ANTXR1: variants seen among roughly 807,000 people sequenced by gnomAD.
ANTXR1 encodes the protein anthrax toxin receptor 1.
Under a neutral mutation model 78.1 loss-of-function variants are expected in ANTXR1, and 19 were observed. The observed-to-expected ratio is 0.24, with a 90% CI of 0.17 to 0.36. The LOEUF is 0.36. ANTXR1 is among the 10% of genes least tolerant of loss of function. The pLI is 1.00. For missense variants in ANTXR1, 518 were observed against 718.6 expected (o/e 0.72, Z 3.19); for synonymous variants, 273 against 260.5 (o/e 1.05, Z -0.46).
chr2:69,186,935 G>A lies in ANTXR1; in HGVS notation c.1353+4275G>A, dbSNP rs1023604376. 2.1e-4 allele frequency among the ~76,000 whole-genome samples: 32 copies of A among 152,240 alleles called. No homozygotes were observed. In the East Asian group the frequency reaches 2.3e-3, roughly 11 times the overall value. ...GTCAGGGAGAGTGACCCATCCACTC[G>A]CTGCCTGCCTTGTACCTCTGCTATA... On this transcript the variant is annotated intron_variant, in intron 16 of 17. Transcript: ENST00000303714.
At chr2:69,101,695 C>A (rs4405800) in intron 9 of ANTXR1, among the ~76,000 whole-genome samples, 140,247 of 152,314 alleles carry the variant, frequency 0.92, 64,703 homozygotes, top group African/African-American at 0.98. Context: ...CCTCCAACAA[C>A]AAGTCTACAT....
At chr2:69,045,184 AG>A (rs1376833495) in intron 3 of ANTXR1, among the ~76,000 whole-genome samples, 2 of 152,158 alleles carry the variant, frequency 1.3e-5, no homozygotes, top group Non-Finnish European at 2.9e-5. Context: ...TTCAGATACA[AG>A]TGCACTGTGA....
chr2:69,185,473 G>A (rs1426525462), intron 16 of ANTXR1, among the ~76,000 whole-genome samples: 1 of 151,722 alleles, frequency 6.6e-6, no homozygotes, highest in Admixed American at 6.6e-5. Context: ...CCAGGAGGCA[G>A]AGGTTGCAGT....
At chr2:69,111,297 C>T (rs754606630) in intron 10 of ANTXR1, among the ~76,000 whole-genome samples, 1 of 152,170 alleles carries the variant, frequency 6.6e-6, no homozygotes, top group African/African-American at 2.4e-5. Context: ...CCACTTTCAA[C>T]TGGAGATCCA....
At chr2:69,124,381 G>C (rs748959623) in intron 11 of ANTXR1, among the ~76,000 whole-genome samples, 184 bp from the exon 12 acceptor site, 2 of 152,136 alleles carry the variant, frequency 1.3e-5, no homozygotes, top group Non-Finnish European at 2.9e-5. Context: ...AGGAGGATGG[G>C]CTATACAGAC....
chr2:69,112,252 C>A (rs113654458), intron 10 of ANTXR1, among the ~76,000 whole-genome samples: 7 of 152,238 alleles, frequency 4.6e-5, no homozygotes, highest in African/African-American at 1.7e-4. Flanking sequence ...ATCACCGCAG[C>A]CCAAAGAGGG....
At chr2:69,224,355 C>T (rs1446300313) in intron 17 of ANTXR1, among the ~76,000 whole-genome samples, 5 of 152,208 alleles carry the variant, frequency 3.3e-5, no homozygotes, top group Non-Finnish European at 7.3e-5. Flanking sequence ...ATTGTGGCAA[C>T]ACACTTTGAA....
intron 2 of ANTXR1, among the ~76,000 whole-genome samples, chr2:69,041,145 G>A (rs72895448): frequency 0.058 from 8,861 of 152,194 alleles, 291 homozygotes; most frequent in Admixed American, 0.11. Context: ...AGGACAGAAG[G>A]GAGAAAAAGT....
intron 16 of ANTXR1, among the ~76,000 whole-genome samples, chr2:69,185,925 G>A (rs968389179): frequency 6.6e-6 from 1 of 152,146 alleles, no homozygotes; most frequent in African/African-American, 2.4e-5. Context: ...AACAGCCAAT[G>A]CCAATGCTTA....
At chr2:69,114,605 A>G (rs1207365980) in intron 10 of ANTXR1, among the ~76,000 whole-genome samples, 1 of 152,130 alleles carries the variant, frequency 6.6e-6, no homozygotes, top group African/African-American at 2.4e-5. Flanking sequence ...TGAGTCCTGT[A>G]TTGGTATTTG....
chr2:69,088,020 A>G (rs975630224), intron 8 of ANTXR1, among the ~76,000 whole-genome samples: 26 of 152,174 alleles, frequency 1.7e-4, no homozygotes, highest in African/African-American at 6.3e-4. Flanking sequence ...GCATCCTTCC[A>G]GATGTTTTAA....
At chr2:69,164,708 T>C (rs1673781177) in intron 13 of ANTXR1, among the ~76,000 whole-genome samples, 1 of 152,228 alleles carries the variant, frequency 6.6e-6, no homozygotes, top group Non-Finnish European at 1.5e-5. Flanking sequence ...CAGCCTTGTA[T>C]GCAGATGACC....
intron 10 of ANTXR1, among the ~76,000 whole-genome samples, chr2:69,112,846 T>C (rs1021028816): frequency 6.6e-6 from 1 of 152,236 alleles, no homozygotes; most frequent in African/African-American, 2.4e-5. Flanking sequence ...TAGTGGATGT[T>C]CCCATCTTTC....
Position 69,013,295 on chromosome 2 carries a change from C to G in ANTXR1, c.-205C>G. The G allele has an allele frequency of 1.4e-6, 1 of 721,484 alleles. No individual in the cohort carries two copies. Among genetic ancestry groups the G allele is most frequent in the East Asian group, 2.7e-5 (1 of 36,978 alleles). The allele number at this position is 721,484 out of a possible 1,614,324, so 44.7% of individuals were successfully genotyped here. On this transcript the variant is annotated 5_prime_UTR_variant, in exon 1 of 18. Coordinates refer to ENST00000303714, the MANE Select transcript of ANTXR1 (RefSeq NM_032208.3). The surrounding 1 kb of genome is among the most constrained non-coding windows in gnomAD (Gnocchi z 5.0). ...GAGGACAGGATTGGGATCCTTGAAACCCGAAACCCAGAAACAGCATCGGAG... is the reference window on the plus strand; with the variant it reads ...GAGGACAGGATTGGGATCCTTGAAAGCCGAAACCCAGAAACAGCATCGGAG...
intron 12 of ANTXR1, among the ~76,000 whole-genome samples, chr2:69,140,476 G>A (rs1673040338): frequency 6.6e-6 from 1 of 152,160 alleles, no homozygotes; most frequent in Admixed American, 6.5e-5. Context: ...TCCTCAGTAG[G>A]GGATTAGGGG....
At chr2:69,117,490 ATGTG>A (rs1436439850) in intron 10 of ANTXR1, among the ~76,000 whole-genome samples, 2 of 152,234 alleles carry the variant, frequency 1.3e-5, no homozygotes, top group Non-Finnish European at 2.9e-5. Flanking sequence ...ATATGTGTAT[ATGTG>A]TGTGTATCTA....
chr2:69,123,892 G>A (rs953354777), intron 11 of ANTXR1, among the ~76,000 whole-genome samples: 9 of 152,160 alleles, frequency 5.9e-5, no homozygotes, highest in African/African-American at 2.2e-4. Flanking sequence ...GAAAAAAGTT[G>A]AACTTGTTCA....
chr2:69,235,986 C>T (rs537256349), intron 17 of ANTXR1, among the ~76,000 whole-genome samples: 18 of 152,100 alleles, frequency 1.2e-4, no homozygotes, highest in Non-Finnish European at 2.2e-4. Flanking sequence ...AGCATGTGAG[C>T]GAGCACAGGG....
chr2:69,185,778 T>C (rs918515923), intron 16 of ANTXR1, among the ~76,000 whole-genome samples: 2 of 152,124 alleles, frequency 1.3e-5, no homozygotes, highest in African/African-American at 4.8e-5. Context: ...TGTTAAGTGG[T>C]TGGGAATCTG....
Sources: gnomAD v4.1 joint callset for allele counts (sites outside exome capture counted in the v4.1 genomes callset) on GRCh38, gnomAD v4.1.1 for gene constraint, Gnocchi (gnomAD v3.1) non-coding constraint, MANE v1.5 for transcripts, NCBI Gene and HGNC (gene_info 2026-07-23, HGNC 2026-07-21) for gene names.